The following EYS variants were observed in gnomAD, a reference collection of about 807,000 sequenced individuals.
EYS encodes the protein EGF-like photoreceptor maintenance factor.
In EYS, 250 loss-of-function variants were observed where a neutral mutation model predicts 282.1. The observed-to-expected ratio is 0.89, with a 90% CI of 0.80 to 0.98. EYS has a LOEUF of 0.98. Among genes scored for constraint, EYS ranks in the 50% least tolerant of loss-of-function variants. EYS has a pLI of 0.00. For missense variants in EYS, 4,016 were observed against 3,709.0 expected, an observed-to-expected ratio of 1.08 and a Z score of -2.15; for synonymous variants, 1,355 against 1,282.9, an observed-to-expected ratio of 1.06 and a Z score of -1.20.
intron 2 of EYS, among the ~76,000 whole-genome samples, chr6:65,624,911 G>A (rs1001139321): frequency 1.3e-5 from 2 of 152,188 alleles, no homozygotes; most frequent in Admixed American, 6.5e-5. Context: ...ACGGCCTACT[G>A]TGGGACGTCA....
chr6:65,362,251 G>A (rs1764739269), intron 8 of EYS, among the ~76,000 whole-genome samples: 1 of 151,876 alleles, frequency 6.6e-6, no homozygotes, highest in African/African-American at 2.4e-5. Context: ...ACCACATATG[G>A]CACAAATAAA....
At chr6:64,331,596 C>A (rs950427669) in intron 29 of EYS, among the ~76,000 whole-genome samples, 5 of 54,614 alleles carry the variant, frequency 9.2e-5, no homozygotes, top group African/African-American at 2.8e-4. Context: ...TCCAATAGCC[C>A]CCCCGCCCGC....
intron 40 of EYS, among the ~76,000 whole-genome samples, chr6:63,769,878 A>C (rs1014624543): frequency 1.3e-5 from 2 of 152,068 alleles, no homozygotes; most frequent in African/African-American, 4.8e-5. Flanking sequence ...CATGGATATA[A>C]AAAATTAACT....
At chr6:64,205,814 T>TTC in intron 31 of EYS, among the ~76,000 whole-genome samples, 1 of 136,380 alleles carries the variant, frequency 7.3e-6, no homozygotes, top group Admixed American at 7.7e-5. Flanking sequence ...TAGGCATTCA[T>TTC]ACACACACAC....
chr6:65,175,134 A>G (rs960825353), intron 12 of EYS, among the ~76,000 whole-genome samples: 2 of 151,368 alleles, frequency 1.3e-5, no homozygotes, highest in Non-Finnish European at 3.0e-5. Flanking sequence ...ATACAGTTAG[A>G]GAGACTGTGA....
chr6:65,033,457 G>T (rs891178329), intron 13 of EYS, among the ~76,000 whole-genome samples: 2 of 152,120 alleles, frequency 1.3e-5, no homozygotes. Flanking sequence ...GGACAGAATC[G>T]TTTCATAGGC....
At chr6:64,204,004 T>G (rs2150323758) in intron 31 of EYS, among the ~76,000 whole-genome samples, 1 of 152,334 alleles carries the variant, frequency 6.6e-6, no homozygotes, top group Non-Finnish European at 1.5e-5. Flanking sequence ...TCCAAGGTTC[T>G]TATCTTTCTA....
chr6:64,997,296 A>T (rs1771297266), intron 14 of EYS, among the ~76,000 whole-genome samples: 1 of 152,198 alleles, frequency 6.6e-6, no homozygotes, highest in Non-Finnish European at 1.5e-5. Context: ...TAAATTCTGA[A>T]ATTTTACACA....
chr6:64,538,339 A>C (rs2149797467), intron 26 of EYS, among the ~76,000 whole-genome samples: 1 of 152,318 alleles, frequency 6.6e-6, no homozygotes, highest in Admixed American at 6.5e-5. Context: ...AAGTTGAATA[A>C]CTTTTAATAA....
intron 41 of EYS, among the ~76,000 whole-genome samples, chr6:63,750,317 T>A (rs897567819): frequency 2.0e-5 from 3 of 152,192 alleles, no homozygotes; most frequent in South Asian, 4.1e-4. Context: ...GCTGTTTCTT[T>A]GTATGCCTTG....
intron 12 of EYS, among the ~76,000 whole-genome samples, chr6:65,197,920 AT>A (rs956298906): frequency 8.6e-5 from 13 of 151,764 alleles, no homozygotes; most frequent in East Asian, 7.8e-4. Flanking sequence ...GGCTACATTA[AT>A]TTTTTTTCTT....
At chr6:63,995,205 A>G (rs911830271) in intron 34 of EYS, among the ~76,000 whole-genome samples, 10 of 152,002 alleles carry the variant, frequency 6.6e-5, no homozygotes, top group African/African-American at 2.4e-4. Flanking sequence ...GCAGACAAAC[A>G]AAACCCCAGT....
chr6:65,412,211 C>T (rs927686890), intron 5 of EYS, among the ~76,000 whole-genome samples: 1 of 152,086 alleles, frequency 6.6e-6, no homozygotes, highest in Non-Finnish European at 1.5e-5. Flanking sequence ...TATTGCCCAG[C>T]CTTCAGGACT....
At chr6:65,428,105 T>G (rs962889838) in intron 5 of EYS, among the ~76,000 whole-genome samples, 1 of 152,124 alleles carries the variant, frequency 6.6e-6, no homozygotes, top group African/African-American at 2.4e-5. Context: ...GTGAGAGTGA[T>G]GTACAATGGC....
At chr6:64,866,132 T>C (rs1056944739) in intron 19 of EYS, among the ~76,000 whole-genome samples, 47 of 152,126 alleles carry the variant, frequency 3.1e-4, no homozygotes, top group African/African-American at 8.9e-4. Flanking sequence ...CTGCTTAAAC[T>C]GTATCATCCA....
chr6:64,530,566 G>C (rs1381157097), intron 26 of EYS, among the ~76,000 whole-genome samples: 1 of 151,904 alleles, frequency 6.6e-6, no homozygotes, highest in Non-Finnish European at 1.5e-5. Flanking sequence ...TTTATAACAT[G>C]ATATTACTGT....
At chr6:64,547,668 G>A (rs926087760) in intron 26 of EYS, among the ~76,000 whole-genome samples, 1 of 152,228 alleles carries the variant, frequency 6.6e-6, no homozygotes, top group Non-Finnish European at 1.5e-5. Flanking sequence ...TTCACCCAGT[G>A]GATCCCATAC....
chr6:64,756,835 C>T (rs1228754907), intron 22 of EYS, among the ~76,000 whole-genome samples: 2 of 148,892 alleles, frequency 1.3e-5, no homozygotes, highest in Non-Finnish European at 3.0e-5. Context: ...ATAACAATAA[C>T]AAATCAAAGT....
At chr6:64,237,323 A>G (rs987185459) in intron 30 of EYS, among the ~76,000 whole-genome samples, 1 of 152,174 alleles carries the variant, frequency 6.6e-6, no homozygotes, top group Non-Finnish European at 1.5e-5. Flanking sequence ...CCCCTTTTGC[A>G]GGTAATGTAT....
Sources: allele counts gnomAD v4.1 joint callset (sites outside exome capture counted in the v4.1 genomes callset), GRCh38; gene constraint gnomAD v4.1.1; transcripts MANE v1.5; gene names NCBI Gene and HGNC (gene_info 2026-07-23, HGNC 2026-07-21).